Variants in PDCD4 observed in about 807,000 individuals in gnomAD.
PDCD4 encodes the protein programmed cell death protein 4.
Under a neutral mutation model 54.0 loss-of-function variants are expected in PDCD4, and 56 were observed. The ratio of observed to expected loss-of-function variants is 1.04; its 90% CI spans 0.84 to 1.30. The LOEUF (loss-of-function observed/expected upper bound fraction) is 1.30. PDCD4 is among the 50% of genes most tolerant of loss of function. PDCD4 has a pLI of 0.00. For synonymous variants in PDCD4, 186 were observed against 194.8 expected, an observed-to-expected ratio of 0.95 and a Z score of 0.37; for missense variants, 584 against 559.8, an observed-to-expected ratio of 1.04 and a Z score of -0.44.
chr10:110,898,496 G>C lies in PDCD4; in HGVS notation c.*408G>C, dbSNP rs1349430458. ...TAAAGTTAAGCTGCTAAAACCCCAT[G>C]TTGGCTGCTGCTGTTGAGATACTGT... On this transcript the variant is annotated 3_prime_UTR_variant, in exon 12 of 12. Transcript: ENST00000280154. 1 of 154,506 alleles carries C rather than the reference G, an allele frequency of 6.5e-6. No homozygotes were observed. The highest frequency in any genetic ancestry group is 1.4e-5 in the Non-Finnish European group (1 of 69,362). 9.6% of individuals were successfully genotyped at this position (154,506 alleles called of 1,614,324 possible).
In PDCD4 at chr10:110,887,663, A is replaced by C. The variant is rs113646411; in HGVS notation, c.556-2A>C. 1 of 1,594,060 alleles carries C rather than the reference A, an allele frequency of 6.3e-7. No homozygotes were observed. The highest frequency in any genetic ancestry group is 8.6e-7 in the Non-Finnish European group (1 of 1,165,168). ...ATGTTTTTAAATTATTTTTTTGAAC[A>C]GGAAATGTTAAGAGATTTAAATCTT... On this transcript the variant is annotated splice_acceptor_variant, in intron 5 of 11. Coordinates refer to ENST00000280154, the MANE Select transcript of PDCD4 (RefSeq NM_014456.5). LOFTEE classifies it high-confidence loss of function.
intron 2 of PDCD4, among the ~76,000 whole-genome samples, chr10:110,879,124 G>GT (rs1845552190): frequency 6.6e-6 from 1 of 152,136 alleles, no homozygotes; most frequent in African/African-American, 2.4e-5. Context: ...TTATCCCACA[G>GT]TTACTACCCT....
At chr10:110,897,285 T>C (rs1380297878) in intron 11 of PDCD4, among the ~76,000 whole-genome samples, 1 of 152,240 alleles carries the variant, frequency 6.6e-6, no homozygotes, top group East Asian at 1.9e-4. Flanking sequence ...CAGCTTTGAC[T>C]TGGGTCCTTC....
intron 11 of PDCD4, among the ~76,000 whole-genome samples, chr10:110,897,304 G>A (rs1272732477): frequency 6.6e-6 from 1 of 152,192 alleles, no homozygotes; most frequent in Non-Finnish European, 1.5e-5. Flanking sequence ...TCATCTTTTA[G>A]CCTATTTGGG....
At chr10:110,882,900 C>CG in intron 3 of PDCD4, 103 bp from the exon 4 acceptor site, 1 of 742,354 alleles carries the variant, frequency 1.3e-6, no homozygotes, top group Non-Finnish European at 2.3e-6. Context: ...ACGTTAAATA[C>CG]AATTTTTTTT....
intron 11 of PDCD4, among the ~76,000 whole-genome samples, chr10:110,897,551 A>AT (rs1217596375): frequency 7.2e-5 from 11 of 152,170 alleles, no homozygotes; most frequent in African/African-American, 2.6e-4. Context: ...TGTAATTCTG[A>AT]TTTTTTTCCA....
chr10:110,893,258 GT>G (rs1845783672), intron 8 of PDCD4, among the ~76,000 whole-genome samples: 1 of 151,626 alleles, frequency 6.6e-6, no homozygotes, highest in Non-Finnish European at 1.5e-5. Flanking sequence ...TTACTTACAT[GT>G]AAATATTATA....
chr10:110,891,892 T>C (rs543926734), intron 8 of PDCD4, among the ~76,000 whole-genome samples: 13 of 152,200 alleles, frequency 8.5e-5, no homozygotes, highest in African/African-American at 3.1e-4. Context: ...GGCATCCAGA[T>C]TGGAAAGGAG....
At chr10:110,876,937 G>A (rs1000311563) in intron 2 of PDCD4, among the ~76,000 whole-genome samples, 16 of 151,856 alleles carry the variant, frequency 1.1e-4, no homozygotes, top group African/African-American at 3.1e-4. Context: ...AGTGTATTTC[G>A]TAACTAAATA....
In PDCD4 at chr10:110,894,457, A is replaced by T; in HGVS notation, c.1144A>T (p.Met382Leu). The T allele has an allele frequency of 6.3e-7, 1 of 1,575,472 alleles. No individual in the cohort carries two copies. Among genetic ancestry groups the T allele is most frequent in the Non-Finnish European group, 8.7e-7 (1 of 1,146,154 alleles). Reference protein sequence around the residue: ...LESTGESTFKMILDLLKSLWK... With the variant: ...LESTGESTFKLILDLLKSLWK... ...GTCAACTGGAGAAAGTACATTTAAG[A>T]TGATTTTGGATTTATTAAAGTCCCT... is the stretch of plus-strand genomic sequence containing the variant. The change falls in exon 10 of 12, where the codon ATG becomes TTG. Residue 382 changes from methionine to leucine, a missense_variant. Transcript: ENST00000280154.
chr10:110,894,528 T>G lies in PDCD4; in HGVS notation c.1209+6T>G, dbSNP rs747727565. The G allele has an allele frequency of 8.5e-7, 1 of 1,174,572 alleles. No homozygotes were observed. Among genetic ancestry groups the G allele is most frequent in the Non-Finnish European group, 1.3e-6 (1 of 792,906 alleles). The allele number at this position is 1,174,572 out of a possible 1,614,324, so 72.8% of individuals were successfully genotyped here. A position where few individuals can be genotyped will look rare whatever the true frequency, so the allele number is the denominator to read the frequency against. Reference sequence around the variant, plus strand: ...CTGTAGACCAAATGAAAAGAGTAAGTATAACATTGTTTTTGAACAACTTGT... The same window carrying G: ...CTGTAGACCAAATGAAAAGAGTAAGGATAACATTGTTTTTGAACAACTTGT... On this transcript the variant is annotated splice_donor_region_variant and intron_variant, in intron 10 of 11. Coordinates refer to ENST00000280154, the MANE Select transcript of PDCD4 (RefSeq NM_014456.5).
At chr10:110,896,686 A>T (rs1157363208) in intron 11 of PDCD4, among the ~76,000 whole-genome samples, 2 of 152,176 alleles carry the variant, frequency 1.3e-5, no homozygotes, top group Non-Finnish European at 2.9e-5. Context: ...GTTAAAGCTA[A>T]TAATGAAGCT....
At chr10:110,884,099 A>G (rs1845633584) in intron 4 of PDCD4, among the ~76,000 whole-genome samples, 1 of 152,194 alleles carries the variant, frequency 6.6e-6, no homozygotes, top group South Asian at 2.1e-4. Context: ...GAAGTAATTC[A>G]TAAGTTTTAA....
rs577086441 is a variant in PDCD4, at chr10:110,879,432, C to T, written c.44-1801C>T. Among the ~76,000 whole-genome samples the T allele has an allele frequency of 3.3e-5, 5 of 152,112 alleles. No homozygotes were observed. The South Asian group carries it at 8.3e-4, about 25-fold the overall frequency. ...CTGTAATCCCAGCACTTTGGGAGGC[C>T]GACGTAGGTGGATCACGAGGTCAGG... On this transcript the variant is annotated intron_variant, in intron 2 of 11. Transcript: ENST00000280154.
rs200583503 is a variant in PDCD4, at chr10:110,899,796, C to CA, written c.*1723dup. The CA allele has an allele frequency of 0.17, 23,262 of 137,686 alleles. 2,398 individuals are homozygous for CA. The highest frequency in any genetic ancestry group is 0.31 in the African/African-American group (11,226 of 35,908). 8.5% of individuals were successfully genotyped at this position (137,686 alleles called of 1,614,324 possible). A position where few individuals can be genotyped will look rare whatever the true frequency, so the allele number is the denominator to read the frequency against. On this transcript the variant is annotated 3_prime_UTR_variant, in exon 12 of 12. Transcript: ENST00000280154. ...GGCAACAAGAGTGAAACTCTTGTCT[C>CA]AAAAAAAAAAAAAAATGAGGTTTAA... is the stretch of plus-strand genomic sequence containing the variant.
chr10:110,874,524 A>AT (rs796937478), intron 1 of PDCD4, among the ~76,000 whole-genome samples: 14 of 151,514 alleles, frequency 9.2e-5, no homozygotes, highest in African/African-American at 2.4e-4. Context: ...TATTTTTAAG[A>AT]TTTTTTTTTC....
chr10:110,895,364 A>G (rs1023613634), intron 10 of PDCD4, among the ~76,000 whole-genome samples: 2 of 152,098 alleles, frequency 1.3e-5, no homozygotes, highest in Admixed American at 1.3e-4. Context: ...TTTTCTTAGG[A>G]TAATGGCCTC....
intron 1 of PDCD4, among the ~76,000 whole-genome samples, chr10:110,874,226 A>G (rs951805052): frequency 6.6e-6 from 1 of 152,336 alleles, no homozygotes; most frequent in East Asian, 1.9e-4. Context: ...TAATACATGT[A>G]CAATTCTTTT....
Position 110,876,059 on chromosome 10 carries a change from T to A in PDCD4, c.32T>A (p.Val11Glu), listed in dbSNP as rs758308338. 1.2e-6 allele frequency: 2 copies of A among 1,610,524 alleles called. No individual in the cohort carries two copies. The highest frequency in any genetic ancestry group is 4.5e-5 in the East Asian group (2 of 44,584). ...GTAGAAAATGAGCAGATACTGAATG[T>A]AAACCCTGCAGGTAAGTAAGGATAT... is the stretch of plus-strand genomic sequence containing the variant. MDVENEQILN[V>E]NPADPDNLSD... Residue 11 changes from valine (V) to glutamate (E), a missense_variant, in exon 2 of 12, where the codon GTA (valine) becomes GAA (glutamate). By Grantham distance (121) the Val-to-Glu change is moderately radical. Coordinates refer to ENST00000280154, the MANE Select transcript of PDCD4 (RefSeq NM_014456.5).
Sources: allele counts gnomAD v4.1 joint callset (sites outside exome capture counted in the v4.1 genomes callset), GRCh38; gene constraint gnomAD v4.1.1; transcripts MANE v1.5; gene names NCBI Gene and HGNC (gene_info 2026-07-23, HGNC 2026-07-21).